Variants in GNG4 observed in about 807,000 individuals in gnomAD.
The protein encoded by GNG4 is guanine nucleotide-binding protein G(I)/G(S)/G(O) subunit gamma-4.
In GNG4, 4 loss-of-function variants were observed where a neutral mutation model predicts 5.8. That is an observed-to-expected ratio of 0.69 (90% CI 0.34 to 1.57). The LOEUF (loss-of-function observed/expected upper bound fraction) is 1.57, where lower values mean the gene tolerates loss of function less well. Among genes scored for constraint, GNG4 ranks in the 40% most tolerant of loss-of-function variants. GNG4 has a pLI of 0.06. For synonymous variants in GNG4, 29 were observed against 32.9 expected (o/e 0.88, Z 0.41); for missense variants, 96 against 95.1 (o/e 1.01, Z -0.04).
intron 2 of GNG4, among the ~76,000 whole-genome samples, chr1:235,593,915 G>T (rs555460954): frequency 1.6e-4 from 25 of 152,312 alleles, no homozygotes; most frequent in Non-Finnish European, 3.2e-4. Flanking sequence ...CCTGCACAGC[G>T]TGCATGGGGA....
chr1:235,596,821 C>T (rs992197420), intron 1 of GNG4, among the ~76,000 whole-genome samples: 2 of 151,908 alleles, frequency 1.3e-5, no homozygotes, highest in African/African-American at 4.8e-5. Flanking sequence ...GAACTGGGCT[C>T]AAACGAGCCT....
intron 2 of GNG4, among the ~76,000 whole-genome samples, chr1:235,589,825 G>C (rs1303876877): frequency 6.6e-6 from 1 of 152,198 alleles, no homozygotes; most frequent in Non-Finnish European, 1.5e-5. Flanking sequence ...AAATGACCTG[G>C]ATCCTTGAGC....
At chr1:235,553,854 T>C (rs1250777671) in intron 3 of GNG4, among the ~76,000 whole-genome samples, 2 of 152,214 alleles carry the variant, frequency 1.3e-5, no homozygotes, top group Admixed American at 1.3e-4. Context: ...CTTCCCTCAT[T>C]TGTAAAATTC....
At chr1:235,570,750 C>T (rs1687313807) in intron 3 of GNG4, among the ~76,000 whole-genome samples, 1 of 151,740 alleles carries the variant, frequency 6.6e-6, no homozygotes, top group Non-Finnish European at 1.5e-5. Context: ...GGCTCGAGTG[C>T]AGCGCCGCAA....
chr1:235,552,808 C>T (rs892090759), intron 3 of GNG4, among the ~76,000 whole-genome samples: 21 of 152,076 alleles, frequency 1.4e-4, no homozygotes, highest in African/African-American at 4.8e-4. Context: ...GTTGCCCAGG[C>T]TAGAGTGTGG....
intron 2 of GNG4, among the ~76,000 whole-genome samples, chr1:235,584,275 A>T (rs929450032): frequency 2.6e-5 from 4 of 152,192 alleles, no homozygotes; most frequent in African/African-American, 7.2e-5. Context: ...TATTTTGCAA[A>T]GGAAGAAAGT....
At chr1:235,556,998 C>G (rs1030500881) in intron 3 of GNG4, among the ~76,000 whole-genome samples, 4 of 152,082 alleles carry the variant, frequency 2.6e-5, no homozygotes, top group African/African-American at 9.7e-5. Context: ...GGAGGCAGAG[C>G]TCAAGCGGTA....
At chr1:235,616,973 C>T (rs1176730615) in intron 1 of GNG4, among the ~76,000 whole-genome samples, 2 of 148,996 alleles carry the variant, frequency 1.3e-5, no homozygotes, top group African/African-American at 5.0e-5. Flanking sequence ...GTCTCGAACT[C>T]CTGACCTCAG....
chr1:235,552,219 C>T lies in GNG4; in HGVS notation c.118G>A (p.Asp40Asn). ...TGAGCTTCACAGTAGGCCAGGAGGT[C>T]CGCAGCTGCCTGGGAGACCTGTGAG... ...DRVKVSQAAA[D>N]LLAYCEAHVR... The change falls in exon 4 of 4, where the codon GAC becomes AAC. Residue 40 changes from aspartate (D) to asparagine (N), a missense_variant. Physicochemically the swap from Asp to Asn is conservative, Grantham distance 23. Coordinates refer to ENST00000391854, the MANE Select transcript of GNG4 (RefSeq NM_001098722.2). 6.2e-7 allele frequency: 1 copy of T among 1,614,028 alleles called. No individual in the cohort carries two copies. The highest frequency in any genetic ancestry group is 1.1e-5 in the South Asian group (1 of 91,082).
intron 1 of GNG4, among the ~76,000 whole-genome samples, chr1:235,643,526 A>G (rs1430263218): frequency 2.6e-5 from 4 of 152,210 alleles, no homozygotes. Flanking sequence ...ACCAGTGCCT[A>G]AACTATCTGA....
At chr1:235,576,435 T>C (rs568598288) in intron 3 of GNG4, among the ~76,000 whole-genome samples, 1 of 152,214 alleles carries the variant, frequency 6.6e-6, no homozygotes, top group African/African-American at 2.4e-5. Flanking sequence ...AAGGCTATGA[T>C]GGTATTCTTT....
At chr1:235,569,735 T>C (rs1393003748) in intron 3 of GNG4, among the ~76,000 whole-genome samples, 1 of 151,932 alleles carries the variant, frequency 6.6e-6, no homozygotes, top group African/African-American at 2.4e-5. Flanking sequence ...GCCCAGCTCA[T>C]TTTTGTATTT....
intron 3 of GNG4, among the ~76,000 whole-genome samples, chr1:235,564,487 A>G (rs965349061): frequency 5.3e-5 from 8 of 152,174 alleles, no homozygotes; most frequent in African/African-American, 1.9e-4. Context: ...CAGCCAGGGT[A>G]AGCTTCTGTT....
At chr1:235,643,363 T>C (rs1657393635) in intron 1 of GNG4, among the ~76,000 whole-genome samples, 1 of 152,170 alleles carries the variant, frequency 6.6e-6, no homozygotes, top group Non-Finnish European at 1.5e-5. Context: ...ACTCCCTCTG[T>C]TGTCACACGC....
At chr1:235,615,407 T>A (rs1688567620) in intron 1 of GNG4, 1 of 154,062 alleles carries the variant, frequency 6.5e-6, no homozygotes, top group African/African-American at 2.4e-5. Flanking sequence ...AACTGAAGTG[T>A]GGGGATACGA....
chr1:235,618,009 C>G (rs1688633395), intron 1 of GNG4, among the ~76,000 whole-genome samples: 1 of 152,004 alleles, frequency 6.6e-6, no homozygotes, highest in African/African-American at 2.4e-5. Flanking sequence ...ACTGCACAAA[C>G]TATCCTCCCC....
chr1:235,556,853 G>A (rs1057043874), intron 3 of GNG4, among the ~76,000 whole-genome samples: 6 of 151,862 alleles, frequency 4.0e-5, no homozygotes, highest in African/African-American at 1.2e-4. Context: ...GTCCCATTTG[G>A]AGGTGATGGG....
At chr1:235,553,168 C>A (rs1046124510) in intron 3 of GNG4, among the ~76,000 whole-genome samples, 1 of 152,168 alleles carries the variant, frequency 6.6e-6, no homozygotes, top group Non-Finnish European at 1.5e-5. Flanking sequence ...AGCCTGCTGG[C>A]GCATGGCAGT....
intron 3 of GNG4, among the ~76,000 whole-genome samples, chr1:235,572,388 C>T (rs1015192297): frequency 1.8e-4 from 27 of 152,034 alleles, no homozygotes; most frequent in African/African-American, 4.1e-4. Context: ...TTAGTAGAGA[C>T]GGGGTTTCAC....
Sources: gnomAD v4.1 joint callset for allele counts (sites outside exome capture counted in the v4.1 genomes callset) on GRCh38, gnomAD v4.1.1 for gene constraint, MANE v1.5 for transcripts, NCBI Gene and HGNC (gene_info 2026-07-23, HGNC 2026-07-21) for gene names.